FKBP15: variants seen among roughly 807,000 people sequenced by gnomAD.
FKBP15 encodes FK506-binding protein 15.
A neutral mutation model predicts 158.1 loss-of-function variants in FKBP15; 106 were observed. The observed-to-expected ratio is 0.67, with a 90% CI of 0.57 to 0.79. FKBP15 has a LOEUF of 0.79. Ranked by LOEUF, FKBP15 falls within the 30% of genes least tolerant of loss-of-function variation. The probability of loss-of-function intolerance (pLI) is 0.00; values close to 1 mark genes in which losing one functional copy is unlikely to be tolerated. For synonymous variants in FKBP15, 547 were observed against 548.6 expected, an observed-to-expected ratio of 1.00 and a Z score of 0.04; for missense variants, 1,287 against 1,479.1, an observed-to-expected ratio of 0.87 and a Z score of 2.13.
chr9:113,209,105 T>C (rs532392746), intron 2 of FKBP15, among the ~76,000 whole-genome samples: 30 of 151,748 alleles, frequency 2.0e-4, no homozygotes, highest in Non-Finnish European at 4.3e-4. Context: ...GTATAGGCAA[T>C]CTTGCTTCTA....
intron 9 of FKBP15, among the ~76,000 whole-genome samples, chr9:113,195,984 CTA>C (rs1246381520): frequency 2.0e-5 from 3 of 151,724 alleles, no homozygotes; most frequent in African/African-American, 7.3e-5. Context: ...GTACATATGA[CTA>C]TGTATATGGA....
At chr9:113,188,686 T>G in intron 12 of FKBP15, 195 bp from the exon 13 acceptor site, 1 of 545,958 alleles carries the variant, frequency 1.8e-6, no homozygotes. Flanking sequence ...AAAGTAAGAG[T>G]CCTTCTCCCT....
intron 1 of FKBP15, among the ~76,000 whole-genome samples, chr9:113,219,005 G>T (rs1375007958): frequency 6.6e-6 from 1 of 152,092 alleles, no homozygotes; most frequent in African/African-American, 2.4e-5. Flanking sequence ...TATTATTCCT[G>T]GATTGATTTT....
chr9:113,195,554 A>G (rs919663798), intron 9 of FKBP15, among the ~76,000 whole-genome samples: 1 of 152,210 alleles, frequency 6.6e-6, no homozygotes, highest in Non-Finnish European at 1.5e-5. Flanking sequence ...GCAGGATGAG[A>G]GTGTCCAGTT....
At chr9:113,194,866 A>G (rs147033036) in intron 9 of FKBP15, among the ~76,000 whole-genome samples, 7 of 152,366 alleles carry the variant, frequency 4.6e-5, no homozygotes, top group Admixed American at 2.0e-4. Context: ...TATCTATGCT[A>G]TTAAAAAGTA....
rs1043575966 is a variant in FKBP15, at chr9:113,164,895, A to C, written c.*1183T>G. 3.3e-5 allele frequency: 5 copies of C among 152,256 alleles called. No homozygotes were observed. Among genetic ancestry groups the C allele is most frequent in the African/African-American group, 1.2e-4 (5 of 41,462 alleles). 9.4% of individuals were successfully genotyped at this position (152,256 alleles called of 1,614,324 possible). A position where few individuals can be genotyped will look rare whatever the true frequency, so the allele number is the denominator to read the frequency against. On this transcript the variant is annotated 3_prime_UTR_variant, in exon 28 of 28. Transcript: ENST00000238256. ...ACCGCCTTTTGTTAAGCAACAAAGAAATAATTAGTTCTCACTGCCTCCCAG... is the reference window on the plus strand; with the variant it reads ...ACCGCCTTTTGTTAAGCAACAAAGACATAATTAGTTCTCACTGCCTCCCAG...
At chr9:113,178,499 C>T in intron 20 of FKBP15, 131 bp downstream of exon 20, 1 of 836,006 alleles carries the variant, frequency 1.2e-6, no homozygotes, top group Non-Finnish European at 1.8e-6. Flanking sequence ...TTATACTAGT[C>T]TCCTTTAATT....
Position 113,161,959 on chromosome 9 carries a change from G to A in FKBP15, c.*4119C>T. 1 of 567,270 alleles carries A rather than the reference G, an allele frequency of 1.8e-6. No homozygotes were observed. Among genetic ancestry groups the A allele is most frequent in the Non-Finnish European group, 3.2e-6 (1 of 313,394 alleles). The allele number at this position is 567,270 out of a possible 1,614,324, so 35.1% of individuals were successfully genotyped here. A position where few individuals can be genotyped will look rare whatever the true frequency, so the allele number is the denominator to read the frequency against. ...AGGGAACAGTGATCTTCAGGTGCAG[G>A]CCCCTATCTAGCAAATGAGGTGGCC... On this transcript the variant is annotated 3_prime_UTR_variant, in exon 28 of 28. Coordinates refer to ENST00000238256, the MANE Select transcript of FKBP15 (RefSeq NM_015258.2).
intron 1 of FKBP15, among the ~76,000 whole-genome samples, chr9:113,215,177 G>T (rs779653234): frequency 1.3e-5 from 2 of 152,128 alleles, no homozygotes; most frequent in African/African-American, 2.4e-5. Flanking sequence ...TGGCTAACTG[G>T]CACAAGAGGC....
chr9:113,184,885 G>C lies in FKBP15; in HGVS notation c.1499-81C>G. 1 of 1,086,800 alleles carries C rather than the reference G, an allele frequency of 9.2e-7. No individual in the cohort carries two copies. Among genetic ancestry groups the C allele is most frequent in the Non-Finnish European group, 1.3e-6 (1 of 745,056 alleles). The allele number at this position is 1,086,800 out of a possible 1,614,324, so 67.3% of individuals were successfully genotyped here. ...TGAAGAAAAGCTAGTAGCTCTTCCA[G>C]TAAAGAAAGAAATTAATACTTCCAT... On this transcript the variant is annotated intron_variant, in intron 15 of 27. Coordinates refer to ENST00000238256, the MANE Select transcript of FKBP15 (RefSeq NM_015258.2). The surrounding 1 kb of genome is among the most constrained non-coding windows in gnomAD (Gnocchi z 4.5).
In FKBP15 at chr9:113,184,842, G is replaced by A; in HGVS notation, c.1499-38C>T. On this transcript the variant is annotated intron_variant, in intron 15 of 27. Coordinates refer to ENST00000238256, the MANE Select transcript of FKBP15 (RefSeq NM_015258.2). The surrounding 1 kb of genome is among the most constrained non-coding windows in gnomAD (Gnocchi z 4.5). The stretch of plus-strand genomic sequence containing the variant: ...AAGCCAAAAAGAAACTTATGAAACT[G>A]GAGCAGAGGAAACTGTATGAAGAAA... 1.3e-6 allele frequency: 2 copies of A among 1,484,626 alleles called. No individual in the cohort carries two copies. Among genetic ancestry groups the A allele is most frequent in the Non-Finnish European group, 1.8e-6 (2 of 1,085,490 alleles). The allele number at this position is 1,484,626 out of a possible 1,614,324, so 92.0% of individuals were successfully genotyped here. A position where few individuals can be genotyped will look rare whatever the true frequency, so the allele number is the denominator to read the frequency against.
chr9:113,170,238 G>T (rs914281772), intron 25 of FKBP15, among the ~76,000 whole-genome samples: 1 of 151,962 alleles, frequency 6.6e-6, no homozygotes, highest in African/African-American at 2.4e-5. Context: ...TGATTCTCCT[G>T]CCTCAGCCTC....
rs1564140976 is a variant in FKBP15, at chr9:113,163,326, T to TATC, written c.*2749_*2751dup. The TATC allele has an allele frequency of 6.4e-6, 1 of 155,866 alleles. No individual in the cohort carries two copies. The highest frequency in any genetic ancestry group is 1.4e-5 in the Non-Finnish European group (1 of 70,330). The allele number at this position is 155,866 out of a possible 1,614,324, so 9.7% of individuals were successfully genotyped here. On this transcript the variant is annotated 3_prime_UTR_variant, in exon 28 of 28. Coordinates refer to ENST00000238256, the MANE Select transcript of FKBP15 (RefSeq NM_015258.2). ...CCCTCAGCTCTCCTGCTTTGTGCCT[T>TATC]ATCTACAGGAGCATCGCCCATTGGA...
chr9:113,194,153 TCTC>T lies in FKBP15; in HGVS notation c.878_880del (p.Arg293_Asp294delinsAsn). On this transcript the variant is annotated inframe_deletion, in exon 10 of 28. Transcript: ENST00000238256. Reference sequence around the variant, plus strand: ...AACACTGTGACCATCAGAGCCAGAATCTCTGGCAAACTTCACCTAAGGAAACAC... The same window carrying T: ...AACACTGTGACCATCAGAGCCAGAATTGGCAAACTTCACCTAAGGAAACAC... 6.2e-7 allele frequency: 1 copy of T among 1,610,632 alleles called. No homozygotes were observed. Among genetic ancestry groups the T allele is most frequent in the Non-Finnish European group, 8.5e-7 (1 of 1,178,052 alleles).
rs201957694 is a variant in FKBP15, at chr9:113,162,737, C to T, written c.*3341G>A. 125 of 1,605,414 alleles carry T rather than the reference C, an allele frequency of 7.8e-5. No individual in the cohort carries two copies. The African/African-American group carries it at 1.4e-3, about 17-fold the overall frequency. On this transcript the variant is annotated 3_prime_UTR_variant, in exon 28 of 28. Transcript: ENST00000238256. Reference sequence around the variant, plus strand: ...CATTACCAGGATTAACTTGCTTCTCCTTTTTATCTAGGTGGTATTTGTGTC... The same window carrying T: ...CATTACCAGGATTAACTTGCTTCTCTTTTTTATCTAGGTGGTATTTGTGTC...
In FKBP15 at chr9:113,169,627, C is replaced by A; in HGVS notation, c.3082G>T (p.Glu1028Ter). 6.2e-7 allele frequency: 1 copy of A among 1,613,948 alleles called. No individual in the cohort carries two copies. Among genetic ancestry groups the A allele is most frequent in the East Asian group, 2.2e-5 (1 of 44,876 alleles). ...CTGTGGGATGGGATGCAAGACAGTT[C>A]GGGTGGAAGGGAACCATCTTTTATC... ...SEIKDGSLPP[E>*]LSCIPSHRVL... The change falls in exon 26 of 28, where the codon GAA (glutamate) becomes TAA (stop). Residue 1028 changes from glutamate (E) to a stop codon, truncating the protein, a stop_gained. Coordinates refer to ENST00000238256, the MANE Select transcript of FKBP15 (RefSeq NM_015258.2). LOFTEE classifies it high-confidence loss of function.
At chr9:113,220,633 T>C (rs916791356) in intron 1 of FKBP15, among the ~76,000 whole-genome samples, 4 of 152,216 alleles carry the variant, frequency 2.6e-5, no homozygotes, top group African/African-American at 7.2e-5. Context: ...GCAGTCCCTG[T>C]CCGGTGAGGA....
At position 113,165,179 on chromosome 9, in the gene FKBP15, C is replaced by CA. The variant is rs1178199989; in HGVS notation, c.*898dup. The CA allele has an allele frequency of 7.2e-5, 11 of 152,146 alleles. No individual in the cohort carries two copies. Among genetic ancestry groups the CA allele is most frequent in the Non-Finnish European group, 8.8e-5 (6 of 68,016 alleles). The allele number at this position is 152,146 out of a possible 1,614,324, so 9.4% of individuals were successfully genotyped here. On this transcript the variant is annotated 3_prime_UTR_variant, in exon 28 of 28. Transcript: ENST00000238256. ...GTTCTAAGGGAATGGAAGCTGCTCT[C>CA]AAAGTGAAGAATCCCTCAGGTGCCA...
Position 113,186,276 on chromosome 9 carries a change from G to A in FKBP15, c.1471C>T (p.Pro491Ser). The A allele has an allele frequency of 6.4e-7, 1 of 1,567,304 alleles. No individual in the cohort carries two copies. Among genetic ancestry groups the A allele is most frequent in the Non-Finnish European group, 8.7e-7 (1 of 1,155,340 alleles). Residue 491 changes from proline (P) to serine (S), a missense_variant, in exon 15 of 28, where the codon CCG becomes TCG. By Grantham distance (74) the Pro-to-Ser change is moderately conservative. Transcript: ENST00000238256. ...LQPVRPLYPA[P>S]LSQPPHFQGS... is the part of the protein sequence containing the mutation. ...TGGAAATGGGGAGGCTGAGAGAGCG[G>A]TGCTGGGTACAAAGGCCGAACGGGC...
Sources: gnomAD v4.1 joint callset for allele counts (sites outside exome capture counted in the v4.1 genomes callset) on GRCh38, gnomAD v4.1.1 for gene constraint, Gnocchi (gnomAD v3.1) non-coding constraint, MANE v1.5 for transcripts, NCBI Gene and HGNC (gene_info 2026-07-23, HGNC 2026-07-21) for gene names.